The following ALLC variants were observed in gnomAD, a reference collection of about 807,000 sequenced individuals.
The protein encoded by ALLC is allantoicase, also known as probable inactive allantoicase.
Under a neutral mutation model 45.0 loss-of-function variants are expected in ALLC, and 40 were observed. That is an observed-to-expected ratio of 0.89 (90% CI 0.69 to 1.16). The LOEUF is 1.16. Ranked by LOEUF, ALLC falls within the 50% of genes most tolerant of loss-of-function variation. The probability of loss-of-function intolerance (pLI) is 0.00; values close to 1 mark genes in which losing one functional copy is unlikely to be tolerated. For missense variants in ALLC, 488 were observed against 493.1 expected (o/e 0.99, Z 0.10); for synonymous variants, 176 against 178.1 (o/e 0.99, Z 0.09).
In ALLC at chr2:3,665,337, G is replaced by A. The variant is rs114351251; in HGVS notation, c.-62-5759G>A. 3.9e-3 allele frequency among the ~76,000 whole-genome samples: 600 copies of A among 152,162 alleles called. 8 individuals are homozygous for A. Among genetic ancestry groups the A allele is most frequent in the African/African-American group, 0.014 (570 of 41,504 alleles). The stretch of plus-strand genomic sequence containing the variant: ...TTTTAAATTTTATTTTAAGTTCTGG[G>A]ATACATGTGCGGATGTGCATGTTTG... On this transcript the variant is annotated intron_variant, in intron 1 of 11. Transcript: ENST00000252505.
chr2:3,692,786 AT>A (rs1667557635), intron 7 of ALLC, among the ~76,000 whole-genome samples: 1 of 152,016 alleles, frequency 6.6e-6, no homozygotes, highest in Non-Finnish European at 1.5e-5. Context: ...AGGGCTGGGG[AT>A]GTCTCACCCT....
chr2:3,681,267 C>T (rs540862852), intron 5 of ALLC, among the ~76,000 whole-genome samples: 6 of 152,252 alleles, frequency 3.9e-5, no homozygotes, highest in African/African-American at 1.4e-4. Context: ...CTGAATTGCC[C>T]CAGTATCAAT....
chr2:3,651,515 TCAGA>T, the ALLC span, among the ~76,000 whole-genome samples: 1 of 150,808 alleles, frequency 6.6e-6, no homozygotes, highest in African/African-American at 2.4e-5. Flanking sequence ...GGCCGAGGTG[TCAGA>T]CTCTTCAGAA....
At chr2:3,686,259 G>T (rs150297280) in intron 7 of ALLC, among the ~76,000 whole-genome samples, 1,730 of 150,876 alleles carry the variant, frequency 0.011, 104 homozygotes, top group Non-Finnish European at 0.019. Context: ...TGTTCTTGGT[G>T]CCTTTATTGA....
At chr2:3,697,621 G>GTCTATCTATCTATCTATCTATCTA (rs201211524) in intron 10 of ALLC, among the ~76,000 whole-genome samples, 165 bp downstream of exon 10, 1 of 125,326 alleles carries the variant, frequency 8.0e-6, no homozygotes. Flanking sequence ...CTGTCTGTCT[G>GTCTATCTATCTATCTATCTATCTA]TCTATCTATC....
chr2:3,666,020 G>C (rs1040409423), intron 1 of ALLC, among the ~76,000 whole-genome samples: 1 of 152,172 alleles, frequency 6.6e-6, no homozygotes, highest in Non-Finnish European at 1.5e-5. Flanking sequence ...AAGATGGAAT[G>C]CTCTGTGTAG....
chr2:3,695,812 T>C lies in ALLC; in HGVS notation c.607T>C (p.Phe203Leu). ...ACCTGCAGACCTAGTGGCCATCGCT[T>C]TTGGGGGTGTCTGTGTAGGATTTAG... The part of the protein sequence containing the change: ...KEPADLVAIA[F>L]GGVCVGFSNA... Residue 203 changes from phenylalanine (F) to leucine (L), a missense_variant, in exon 8 of 12, where the codon TTT becomes CTT. Phe to Leu is a conservative substitution (Grantham distance 22). Transcript: ENST00000252505. 1.2e-6 allele frequency: 2 copies of C among 1,613,964 alleles called. No homozygotes were observed. Among genetic ancestry groups the C allele is most frequent in the Non-Finnish European group, 1.7e-6 (2 of 1,179,866 alleles).
intron 1 of ALLC, among the ~76,000 whole-genome samples, chr2:3,665,803 A>G (rs1287983152): frequency 2.0e-5 from 3 of 152,200 alleles, no homozygotes; most frequent in Non-Finnish European, 4.4e-5. Flanking sequence ...TAGTAGAACT[A>G]TTTATATTCC....
chr2:3,668,147 G>C (rs1305709249), intron 1 of ALLC, among the ~76,000 whole-genome samples: 1 of 152,190 alleles, frequency 6.6e-6, no homozygotes, highest in Non-Finnish European at 1.5e-5. Context: ...GGGGTGTTGG[G>C]ATGCCTGGGG....
chr2:3,669,797 C>T (rs55792518), intron 1 of ALLC, among the ~76,000 whole-genome samples: 9,922 of 152,134 alleles, frequency 0.065, 387 homozygotes, highest in East Asian at 0.092. Context: ...CTGCTCCTCC[C>T]GGAGGTGGGA....
At chr2:3,694,746 A>C (rs1365954520) in intron 7 of ALLC, 2 of 152,202 alleles carry the variant, frequency 1.3e-5, no homozygotes, top group Non-Finnish European at 2.9e-5. Context: ...TGTTTTACCA[A>C]AAAATTTTCA....
chr2:3,702,546 T>C lies in ALLC; in HGVS notation c.1159T>C (p.Phe387Leu). 2 of 1,592,344 alleles carry C rather than the reference T, an allele frequency of 1.3e-6. No homozygotes were observed. The highest frequency in any genetic ancestry group is 4.5e-5 in the East Asian group (2 of 44,446). The change falls in exon 12 of 12, where the codon TTC becomes CTC. Residue 387 changes from phenylalanine to leucine, a missense_variant. Physicochemically the swap from Phe to Leu is conservative, Grantham distance 22 (BLOSUM62 0). Transcript: ENST00000252505. ...GCCCATGTTGAAGTTCTCGGTGAGCTTCAAAGCAAACCCTTAACACACACA... is the reference window on the plus strand; with the variant it reads ...GCCCATGTTGAAGTTCTCGGTGAGCCTCAAAGCAAACCCTTAACACACACA... The part of the protein sequence containing the change: ...EKPMLKFSVS[F>L]KANP
chr2:3,689,159 T>TA (rs1667407968), intron 7 of ALLC, among the ~76,000 whole-genome samples: 1 of 150,948 alleles, frequency 6.6e-6, no homozygotes, highest in African/African-American at 2.4e-5. Flanking sequence ...TGTTTCTTTT[T>TA]AAAAAAACAA....
At chr2:3,671,301 T>C in intron 2 of ALLC, 111 bp downstream of exon 2, 1 of 1,293,020 alleles carries the variant, frequency 7.7e-7, no homozygotes, top group Non-Finnish European at 1.1e-6. Context: ...GGCTGAAGTG[T>C]TGGCCTGCCC....
rs567160611 is a variant in ALLC at position 3,682,813 on chromosome 2, C to T, written c.379-129C>T. The stretch of plus-strand genomic sequence containing the variant: ...GTGCTGGGATTACAGGCGTGAGCCA[C>T]CGTGCCCGGCATCCATCATTAATTT... On this transcript the variant is annotated intron_variant, in intron 6 of 11. Coordinates refer to ENST00000252505, the MANE Select transcript of ALLC (RefSeq NM_018436.4). The T allele has an allele frequency of 2.3e-4, 228 of 980,630 alleles. 1 individual carries two copies. The East Asian group carries it at 5.1e-3, about 22-fold the overall frequency. The allele number at this position is 980,630 out of a possible 1,614,324, so 60.7% of individuals were successfully genotyped here. A position where few individuals can be genotyped will look rare whatever the true frequency, so the allele number is the denominator to read the frequency against.
rs896230434 is a variant in ALLC at position 3,689,295 on chromosome 2, G to A, written c.511+6221G>A. 1.3e-4 allele frequency among the ~76,000 whole-genome samples: 19 copies of A among 150,698 alleles called. 1 individual carries two copies. The highest frequency in any genetic ancestry group is 2.7e-4 in the Non-Finnish European group (18 of 67,508). On this transcript the variant is annotated intron_variant, in intron 7 of 11. Coordinates refer to ENST00000252505, the MANE Select transcript of ALLC (RefSeq NM_018436.4). ...ACTTGCTTTTCTAGTTTATTGAGAT[G>A]CATTGTTATATTAATTTGAAGTCTT...
chr2:3,651,062 G>A, the ALLC span, among the ~76,000 whole-genome samples: 1 of 152,160 alleles, frequency 6.6e-6, no homozygotes, highest in African/African-American at 2.4e-5. Flanking sequence ...GCTGCATTGA[G>A]GCATGACCGG....
At chr2:3,650,251 A>G in the ALLC span, among the ~76,000 whole-genome samples, 1 of 152,138 alleles carries the variant, frequency 6.6e-6, no homozygotes, top group Admixed American at 6.5e-5. Context: ...AGGGAATTAG[A>G]TAGCAAAGCC....
intron 1 of ALLC, among the ~76,000 whole-genome samples, chr2:3,662,130 C>T (rs929343695): frequency 6.6e-6 from 1 of 152,220 alleles, no homozygotes; most frequent in African/African-American, 2.4e-5. Flanking sequence ...TTTCTGACTT[C>T]CTTTTCTGCT....
Sources: allele counts gnomAD v4.1 joint callset (sites outside exome capture counted in the v4.1 genomes callset), GRCh38; gene constraint gnomAD v4.1.1; transcripts MANE v1.5; gene names NCBI Gene and HGNC (gene_info 2026-07-23, HGNC 2026-07-21).